The following FA2H variants were observed in gnomAD, a reference collection of about 807,000 sequenced individuals.
FA2H encodes fatty acid 2-hydroxylase.
FA2H carries 22 observed loss-of-function variants against 44.9 expected under a neutral mutation model. The observed-to-expected ratio is 0.49, with a 90% confidence interval of 0.35 to 0.70. The LOEUF (loss-of-function observed/expected upper bound fraction) is 0.70. Ranked by LOEUF, FA2H falls within the 30% of genes least tolerant of loss-of-function variation. FA2H has a pLI of 0.01. For missense variants in FA2H, 501 were observed against 504.9 expected (o/e 0.99, Z 0.07); for synonymous variants, 243 against 213.2 (o/e 1.14, Z -1.22).
chr16:74,759,760 G>T (rs964198059), intron 1 of FA2H, among the ~76,000 whole-genome samples: 7 of 152,212 alleles, frequency 4.6e-5, no homozygotes, highest in Non-Finnish European at 1.0e-4. Context: ...ATACTGTCTG[G>T]CAGTGCAGCC....
chr16:74,771,047 G>A (rs1962896414), intron 1 of FA2H, among the ~76,000 whole-genome samples: 1 of 152,124 alleles, frequency 6.6e-6, no homozygotes, highest in South Asian at 2.1e-4. Context: ...AGCATACTCA[G>A]GATGGTGTTG....
chr16:74,724,022 C>T (rs1252864012), intron 4 of FA2H, among the ~76,000 whole-genome samples: 2 of 152,106 alleles, frequency 1.3e-5, no homozygotes, highest in African/African-American at 2.4e-5. Flanking sequence ...CTGCCTCAGC[C>T]TTCCAAGTAG....
intron 1 of FA2H, among the ~76,000 whole-genome samples, chr16:74,758,830 G>GA (rs1158114472): frequency 6.6e-6 from 1 of 152,192 alleles, no homozygotes; most frequent in Non-Finnish European, 1.5e-5. Flanking sequence ...AACAGTCCAG[G>GA]AAAAATCTCC....
At chr16:74,718,927 G>A (rs1198611378) in intron 5 of FA2H, 61 bp downstream of exon 5, 2 of 1,589,888 alleles carry the variant, frequency 1.3e-6, no homozygotes, top group Non-Finnish European at 1.7e-6. Flanking sequence ...AGCTGCGGCT[G>A]GCTGCCGGGC....
Position 74,733,356 on chromosome 16 carries a change from C to A in FA2H, c.364-5970G>T, listed in dbSNP as rs187407888. On this transcript the variant is annotated intron_variant, in intron 2 of 6. Transcript: ENST00000219368. ...AAATTCAGGCCCGCCGACCCCCGAC[C>A]CAATTTATAGATGAGGATATTGAGG... 7.6e-3 allele frequency among the ~76,000 whole-genome samples: 1,153 copies of A among 152,278 alleles called. 8 individuals are homozygous for A. Among genetic ancestry groups the A allele is most frequent in the Non-Finnish European group, 0.011 (733 of 68,022 alleles).
intron 2 of FA2H, among the ~76,000 whole-genome samples, chr16:74,733,572 G>A (rs930490225): frequency 2.6e-5 from 4 of 152,260 alleles, no homozygotes; most frequent in African/African-American, 9.6e-5. Flanking sequence ...TCTTCCAGTC[G>A]TGAGCACTGA....
chr16:74,716,629 G>A (rs1961708974), intron 5 of FA2H, 30 bp from the exon 6 acceptor site: 8 of 1,528,952 alleles, frequency 5.2e-6, no homozygotes, highest in Middle Eastern at 1.7e-4. Context: ...GGCATCAGGA[G>A]GCAGCCAGGG....
intron 1 of FA2H, among the ~76,000 whole-genome samples, chr16:74,761,002 T>C (rs556727260): frequency 1.2e-4 from 18 of 152,258 alleles, no homozygotes; most frequent in African/African-American, 4.1e-4. Context: ...AGAGAATGGA[T>C]GCTGGGCTTA....
In FA2H at chr16:74,714,608, C is replaced by T. The variant is rs547310649; in HGVS notation, c.1040-339G>A. ...GGCTTTGCACCAGTCGCTCTTGGGA[C>T]GCCAGATGCTGATTTCTCTTCATTA... On this transcript the variant is annotated intron_variant, in intron 6 of 6. Transcript: ENST00000219368. 7.3e-5 allele frequency among the ~76,000 whole-genome samples: 11 copies of T among 151,074 alleles called. No individual in the cohort carries two copies. In the East Asian group the frequency reaches 9.9e-4, roughly 14 times the overall value.
chr16:74,726,904 T>C (rs973323595), intron 3 of FA2H, among the ~76,000 whole-genome samples: 9 of 152,228 alleles, frequency 5.9e-5, no homozygotes, highest in African/African-American at 1.9e-4. Context: ...ACTGACTCTA[T>C]GCAACTGGTC....
In FA2H at chr16:74,774,654, G is replaced by A; in HGVS notation, c.102C>T (p.Tyr34=). 1.4e-6 allele frequency: 2 copies of A among 1,457,650 alleles called. No homozygotes were observed. Among genetic ancestry groups the A allele is most frequent in the Non-Finnish European group, 1.8e-6 (2 of 1,109,154 alleles). 90.3% of individuals were successfully genotyped at this position (1,457,650 alleles called of 1,614,324 possible). Residue 34 remains tyrosine (Y), a synonymous_variant, in exon 1 of 7, where the codon TAC becomes TAT. Transcript: ENST00000219368. The part of the protein sequence containing the change: ...ACWVRRGARL[Y]DLSSFVRHHP... ...GGTGCCGCACGAAGCTGGAGAGGTC[G>A]TAGAGGCGGGCCCCGCGGCGGACCC...
At chr16:74,726,062 C>A in intron 4 of FA2H, 163 bp downstream of exon 4, 2 of 632,662 alleles carry the variant, frequency 3.2e-6, no homozygotes, top group Non-Finnish European at 5.8e-6. Flanking sequence ...GGGAGTCAGA[C>A]AAAATTCTTC....
chr16:74,751,222 G>A (rs1030890662), intron 1 of FA2H, among the ~76,000 whole-genome samples: 7 of 152,002 alleles, frequency 4.6e-5, no homozygotes, highest in African/African-American at 1.7e-4. Context: ...AGCCTCCCGA[G>A]TAGCTGGGAT....
intron 1 of FA2H, among the ~76,000 whole-genome samples, chr16:74,753,529 G>A (rs565784580): frequency 6.6e-6 from 1 of 152,218 alleles, no homozygotes; most frequent in South Asian, 2.1e-4. Flanking sequence ...AAATAGCTGG[G>A]TGTGGTGGCA....
At chr16:74,759,662 C>T (rs1183640133) in intron 1 of FA2H, among the ~76,000 whole-genome samples, 5 of 152,256 alleles carry the variant, frequency 3.3e-5, no homozygotes, top group Non-Finnish European at 5.9e-5. Flanking sequence ...CCAGAGGTAA[C>T]AGCAATCCTG....
At chr16:74,747,259 C>T (rs1207204709) in intron 1 of FA2H, among the ~76,000 whole-genome samples, 5 of 151,782 alleles carry the variant, frequency 3.3e-5, no homozygotes, top group Admixed American at 2.6e-4. Context: ...TGCAGTGAGC[C>T]GAGATCTCGC....
At chr16:74,732,958 T>C (rs1962103041) in intron 2 of FA2H, among the ~76,000 whole-genome samples, 4 of 152,322 alleles carry the variant, frequency 2.6e-5, no homozygotes, top group Admixed American at 6.5e-5. Flanking sequence ...TTTGATGTCA[T>C]TGGATTGACC....
rs970294188 is a variant in FA2H at position 74,770,878 on chromosome 16, G to A, written c.270+3608C>T. On this transcript the variant is annotated intron_variant, in intron 1 of 6. Transcript: ENST00000219368. ...GATGTCTGCAGCATGGCCCGCCCTC[G>A]GGCTCTTAGGCAACAGATGAGCATA... Among the ~76,000 whole-genome samples, 20 of 152,304 alleles carry A rather than the reference G, an allele frequency of 1.3e-4. No individual in the cohort carries two copies. The East Asian group carries it at 1.4e-3, about 10-fold the overall frequency.
chr16:74,764,033 T>G lies in FA2H; in HGVS notation c.270+10453A>C, dbSNP rs1472886707. Reference sequence around the variant, plus strand: ...TGTTTCACAATATAAAGTACTGAGTTGGAAGTTCATATTTCTCAGTTATAA... The same window carrying G: ...TGTTTCACAATATAAAGTACTGAGTGGGAAGTTCATATTTCTCAGTTATAA... On this transcript the variant is annotated intron_variant, in intron 1 of 6. Coordinates refer to ENST00000219368, the MANE Select transcript of FA2H (RefSeq NM_024306.5). Among the ~76,000 whole-genome samples, 3 of 152,218 alleles carry G rather than the reference T, an allele frequency of 2.0e-5. No individual in the cohort carries two copies. In the South Asian group the frequency reaches 6.2e-4, roughly 32 times the overall value.
Sources: allele counts gnomAD v4.1 joint callset (sites outside exome capture counted in the v4.1 genomes callset), GRCh38; gene constraint gnomAD v4.1.1; transcripts MANE v1.5; gene names NCBI Gene and HGNC (gene_info 2026-07-23, HGNC 2026-07-21).